SGMS1: variants seen among roughly 807,000 people sequenced by gnomAD.
SGMS1 encodes the protein phosphatidylcholine:ceramide cholinephosphotransferase 1.
SGMS1 carries 13 observed loss-of-function variants against 46.2 expected under a neutral mutation model. The observed-to-expected ratio is 0.28, with a 90% CI of 0.18 to 0.45. The LOEUF (loss-of-function observed/expected upper bound fraction) is 0.45, where lower values mean the gene tolerates loss of function less well. Ranked by LOEUF, SGMS1 falls within the 20% of genes least tolerant of loss-of-function variation. The pLI is 1.00. For missense variants in SGMS1, 324 were observed against 519.9 expected, an observed-to-expected ratio of 0.62 and a Z score of 3.66; for synonymous variants, 203 against 187.8, an observed-to-expected ratio of 1.08 and a Z score of -0.66.
intron 6 of SGMS1, among the ~76,000 whole-genome samples, chr10:50,422,880 A>G (rs1849274592): frequency 6.6e-6 from 1 of 152,210 alleles, no homozygotes; most frequent in Non-Finnish European, 1.5e-5. Context: ...ACACACATTC[A>G]TTCACTGGTA....
chr10:50,329,072 G>A (rs1185084908), intron 7 of SGMS1, among the ~76,000 whole-genome samples: 1 of 152,108 alleles, frequency 6.6e-6, no homozygotes, highest in Non-Finnish European at 1.5e-5. Flanking sequence ...TTTAGAGGAA[G>A]AAAAATAAAA....
chr10:50,572,488 T>C lies in SGMS1; in HGVS notation c.-589+17665A>G, dbSNP rs138575434. Among the ~76,000 whole-genome samples, 1,399 of 151,858 alleles carry C rather than the reference T, an allele frequency of 9.2e-3. 16 individuals carry two copies. The highest frequency in any genetic ancestry group is 0.035 in the South Asian group (169 of 4,798). On this transcript the variant is annotated intron_variant, in intron 2 of 10. Transcript: ENST00000361781. ...GTTGTCAAGGTCTCTTCAGTTGTTATGGGAGGGGAGGTAGGAGATGGGTTG... is the reference window on the plus strand; with the variant it reads ...GTTGTCAAGGTCTCTTCAGTTGTTACGGGAGGGGAGGTAGGAGATGGGTTG...
At chr10:50,334,619 A>G (rs1847685796) in intron 7 of SGMS1, 1 of 152,240 alleles carries the variant, frequency 6.6e-6, no homozygotes, top group Non-Finnish European at 1.5e-5. Context: ...ACATTTATTG[A>G]ATTCTAGGCA....
intron 3 of SGMS1, among the ~76,000 whole-genome samples, chr10:50,503,781 G>T (rs921557483): frequency 1.3e-5 from 2 of 152,146 alleles, no homozygotes; most frequent in Non-Finnish European, 2.9e-5. Context: ...TCACTGCCCC[G>T]TGCAGACACA....
chr10:50,455,390 C>G (rs1462146035), intron 5 of SGMS1, among the ~76,000 whole-genome samples: 1 of 152,216 alleles, frequency 6.6e-6, no homozygotes, highest in Non-Finnish European at 1.5e-5. Flanking sequence ...AGCTCATTCT[C>G]TGAATAACTA....
intron 6 of SGMS1, among the ~76,000 whole-genome samples, chr10:50,364,695 T>C (rs914890941): frequency 2.0e-5 from 3 of 152,214 alleles, no homozygotes; most frequent in Admixed American, 1.3e-4. Flanking sequence ...ACATGTTATG[T>C]AAAATAATCG....
intron 5 of SGMS1, among the ~76,000 whole-genome samples, chr10:50,458,493 C>G (rs983216307): frequency 1.3e-5 from 2 of 151,620 alleles, no homozygotes; most frequent in Admixed American, 1.3e-4. Flanking sequence ...GTAGCTGGGA[C>G]TACAGGCGCC....
chr10:50,339,076 T>C (rs1847767357), intron 7 of SGMS1, among the ~76,000 whole-genome samples: 1 of 152,222 alleles, frequency 6.6e-6, no homozygotes, highest in Non-Finnish European at 1.5e-5. Context: ...CTTCAACTCT[T>C]GCTTCCCTAG....
intron 6 of SGMS1, among the ~76,000 whole-genome samples, chr10:50,394,814 T>C (rs1274195179): frequency 6.6e-6 from 1 of 152,320 alleles, no homozygotes; most frequent in Non-Finnish European, 1.5e-5. Flanking sequence ...CAACAACAAA[T>C]TGTTTAGCAA....
chr10:50,354,887 A>G lies in SGMS1; in HGVS notation c.-231-10542T>C, dbSNP rs548298863. Among the ~76,000 whole-genome samples, 75 of 152,312 alleles carry G rather than the reference A, an allele frequency of 4.9e-4. No individual in the cohort carries two copies. In the East Asian group the frequency reaches 5.6e-3, roughly 11 times the overall value. On this transcript the variant is annotated intron_variant, in intron 6 of 10. Coordinates refer to ENST00000361781, the MANE Select transcript of SGMS1 (RefSeq NM_147156.4). Reference sequence around the variant, plus strand: ...CAGAGAAATGCAAATCAAAACCACAATGAGATACCATCTCACACCAGTTAG... The same window carrying G: ...CAGAGAAATGCAAATCAAAACCACAGTGAGATACCATCTCACACCAGTTAG...
intron 6 of SGMS1, among the ~76,000 whole-genome samples, chr10:50,357,576 C>G (rs1197727772): frequency 1.3e-5 from 2 of 152,258 alleles, no homozygotes; most frequent in Admixed American, 1.3e-4. Context: ...TAGCACTAAC[C>G]TGTACTCCAA....
intron 6 of SGMS1, among the ~76,000 whole-genome samples, chr10:50,397,880 A>G (rs1044580456): frequency 6.6e-6 from 1 of 152,192 alleles, no homozygotes; most frequent in Non-Finnish European, 1.5e-5. Context: ...TGACCTACGA[A>G]GGGCTGATGG....
chr10:50,316,486 C>T (rs1273300062), intron 8 of SGMS1, among the ~76,000 whole-genome samples: 1 of 152,192 alleles, frequency 6.6e-6, no homozygotes, highest in Non-Finnish European at 1.5e-5. Context: ...TTGGCCCTCA[C>T]AAGCTTGGAT....
intron 6 of SGMS1, among the ~76,000 whole-genome samples, chr10:50,354,342 T>A (rs879226417): frequency 2.6e-5 from 4 of 152,132 alleles, no homozygotes; most frequent in Non-Finnish European, 5.9e-5. Context: ...AAATGGGGAA[T>A]GGATTCCCTA....
At chr10:50,325,414 C>G (rs1404072457) in intron 8 of SGMS1, among the ~76,000 whole-genome samples, 2 of 152,052 alleles carry the variant, frequency 1.3e-5, no homozygotes, top group Non-Finnish European at 2.9e-5. Context: ...GTTTAAGATT[C>G]TAGTTTCCAG....
chr10:50,579,957 A>G (rs1485648732), intron 2 of SGMS1, among the ~76,000 whole-genome samples: 2 of 152,236 alleles, frequency 1.3e-5, no homozygotes, highest in Non-Finnish European at 2.9e-5. Flanking sequence ...GTAATTGATA[A>G]GATAGCTGAT....
intron 7 of SGMS1, among the ~76,000 whole-genome samples, chr10:50,337,085 G>A (rs1438751091): frequency 6.6e-6 from 1 of 152,124 alleles, no homozygotes; most frequent in Non-Finnish European, 1.5e-5. Flanking sequence ...GCTTATCAGA[G>A]AATTAAATAA....
intron 6 of SGMS1, among the ~76,000 whole-genome samples, chr10:50,350,577 T>C (rs1847991763): frequency 6.6e-6 from 1 of 152,118 alleles, no homozygotes; most frequent in African/African-American, 2.4e-5. Context: ...AGGGTCCCCG[T>C]GCTGTGTGCA....
intron 2 of SGMS1, among the ~76,000 whole-genome samples, chr10:50,540,364 C>G (rs1330184491): frequency 6.6e-6 from 1 of 152,120 alleles, no homozygotes; most frequent in Non-Finnish European, 1.5e-5. Flanking sequence ...TGTGCCACAC[C>G]TCATGCTAGA....
Sources: gnomAD v4.1 joint callset for allele counts (sites outside exome capture counted in the v4.1 genomes callset) on GRCh38, gnomAD v4.1.1 for gene constraint, MANE v1.5 for transcripts, NCBI Gene and HGNC (gene_info 2026-07-23, HGNC 2026-07-21) for gene names.